Variants in INPP4B observed in about 807,000 individuals in gnomAD.
INPP4B encodes inositol polyphosphate-4-phosphatase type II B.
In INPP4B, 55 loss-of-function variants were observed where a neutral mutation model predicts 122.5. That is an observed-to-expected ratio of 0.45 (90% CI 0.36 to 0.56). The LOEUF (loss-of-function observed/expected upper bound fraction) is 0.56, where lower values mean the gene tolerates loss of function less well. Among genes scored for constraint, INPP4B ranks in the 20% least tolerant of loss-of-function variants. The probability of loss-of-function intolerance (pLI) is 0.00; values close to 1 mark genes in which losing one functional copy is unlikely to be tolerated. For missense variants in INPP4B, 1,000 were observed against 1,097.7 expected (o/e 0.91, Z 1.26); for synonymous variants, 403 against 388.7 (o/e 1.04, Z -0.43).
chr4:142,301,259 T>C (rs1761279561), intron 9 of INPP4B, among the ~76,000 whole-genome samples: 1 of 152,150 alleles, frequency 6.6e-6, no homozygotes, highest in Admixed American at 6.6e-5. Flanking sequence ...CATCATGAAT[T>C]GAAACTCCAA....
chr4:142,624,522 T>A (rs1183177131), intron 2 of INPP4B, among the ~76,000 whole-genome samples: 3 of 152,160 alleles, frequency 2.0e-5, no homozygotes, highest in Non-Finnish European at 4.4e-5. Context: ...CAGGACCAGA[T>A]GGATTCACAG....
At chr4:142,129,959 G>A (rs1056966369) in intron 18 of INPP4B, among the ~76,000 whole-genome samples, 1 of 152,134 alleles carries the variant, frequency 6.6e-6, no homozygotes, top group Non-Finnish European at 1.5e-5. Flanking sequence ...CTCCTTCAAG[G>A]AGCTAAAATT....
In INPP4B at chr4:142,843,278, A is replaced by G. The variant is rs547375608; in HGVS notation, c.-254+2931T>C. On this transcript the variant is annotated intron_variant, in intron 1 of 25. Transcript: ENST00000262992. ...TAAATGTTTAAACTAAAATTATTTA[A>G]TAATCTCATTTCTGAAGCCTAAATA... Among the ~76,000 whole-genome samples the G allele has an allele frequency of 4.4e-4, 67 of 151,984 alleles. No homozygotes were observed. The Middle Eastern group carries it at 0.017, about 39-fold the overall frequency.
intron 7 of INPP4B, among the ~76,000 whole-genome samples, chr4:142,349,814 T>C (rs1156590818): frequency 1.3e-5 from 2 of 151,818 alleles, no homozygotes; most frequent in African/African-American, 4.8e-5. Flanking sequence ...TCAGCTATAG[T>C]TTTTAAAATA....
chr4:142,234,761 C>A (rs901682782), intron 12 of INPP4B, among the ~76,000 whole-genome samples: 12 of 152,082 alleles, frequency 7.9e-5, no homozygotes, highest in African/African-American at 2.9e-4. Context: ...TTGAACAATT[C>A]CAGTTTCTAA....
At chr4:142,566,789 A>C (rs1476473838) in intron 2 of INPP4B, among the ~76,000 whole-genome samples, 1 of 152,198 alleles carries the variant, frequency 6.6e-6, no homozygotes, top group Non-Finnish European at 1.5e-5. Context: ...GTTGAAAAGA[A>C]CTGTAAACCT....
intron 2 of INPP4B, among the ~76,000 whole-genome samples, chr4:142,593,056 A>G (rs947315939): frequency 6.6e-6 from 1 of 151,900 alleles, no homozygotes; most frequent in African/African-American, 2.4e-5. Flanking sequence ...GTGAGACATT[A>G]TCACGCCACT....
intron 1 of INPP4B, among the ~76,000 whole-genome samples, chr4:142,759,201 T>A (rs1228244791): frequency 1.3e-5 from 2 of 152,156 alleles, no homozygotes; most frequent in Non-Finnish European, 2.9e-5. Context: ...AACCAATGTC[T>A]TGACAAAGCC....
intron 2 of INPP4B, among the ~76,000 whole-genome samples, chr4:142,665,922 T>A (rs558182380): frequency 6.6e-6 from 1 of 152,302 alleles, no homozygotes; most frequent in Non-Finnish European, 1.5e-5. Context: ...TACATGCTTA[T>A]GATAAGGTTT....
intron 2 of INPP4B, among the ~76,000 whole-genome samples, chr4:142,619,859 C>T (rs1205592313): frequency 1.3e-5 from 2 of 151,910 alleles, no homozygotes; most frequent in Admixed American, 6.6e-5. Context: ...AAGAGAGATA[C>T]GTTTATTTTG....
chr4:142,438,651 T>G (rs533656748), intron 3 of INPP4B, among the ~76,000 whole-genome samples: 1 of 152,216 alleles, frequency 6.6e-6, no homozygotes, highest in South Asian at 2.1e-4. Context: ...GGCAAAGATT[T>G]TATGATGAAA....
At chr4:142,616,392 G>A (rs2150356717) in intron 2 of INPP4B, among the ~76,000 whole-genome samples, 1 of 152,252 alleles carries the variant, frequency 6.6e-6, no homozygotes, top group South Asian at 2.1e-4. Context: ...TCAGAGAGAG[G>A]GAGGCAAGAC....
At chr4:142,543,884 A>C in intron 2 of INPP4B, among the ~76,000 whole-genome samples, 1 of 152,182 alleles carries the variant, frequency 6.6e-6, no homozygotes, top group Non-Finnish European at 1.5e-5. Flanking sequence ...AGAGATATCA[A>C]AGTAAGTACA....
chr4:142,112,692 G>C lies in INPP4B; in HGVS notation c.2136-10C>G. ...TACCACGTAATGTTCTCTAAAGAAG[G>C]CAGAGGACAAAGGGAAGAAACATTA... On this transcript the variant is annotated splice_polypyrimidine_tract_variant and intron_variant, in intron 21 of 25. Coordinates refer to ENST00000262992, the MANE Select transcript of INPP4B (RefSeq NM_001101669.3). The C allele has an allele frequency of 6.2e-7, 1 of 1,600,878 alleles. No individual in the cohort carries two copies.
intron 2 of INPP4B, among the ~76,000 whole-genome samples, chr4:142,693,769 T>C (rs1199539412): frequency 1.3e-5 from 2 of 152,174 alleles, no homozygotes; most frequent in African/African-American, 4.8e-5. Context: ...TCAAATGATA[T>C]ATGTTGTTTT....
intron 2 of INPP4B, among the ~76,000 whole-genome samples, chr4:142,685,414 T>TAAA (rs1759206363): frequency 6.6e-6 from 1 of 152,118 alleles, no homozygotes; most frequent in African/African-American, 2.4e-5. Context: ...AAGTATTGTA[T>TAAA]AAACAATAAA....
rs898302443 is a variant in INPP4B at position 142,383,875 on chromosome 4, G to A, written c.372+19063C>T. The A allele has an allele frequency of 2.6e-5, 13 of 499,090 alleles. No individual in the cohort carries two copies. In the Admixed American group the frequency reaches 3.2e-4, roughly 12 times the overall value. The allele number at this position is 499,090 out of a possible 1,614,324, so 30.9% of individuals were successfully genotyped here. Reference sequence around the variant, plus strand: ...TGCTTTGAATAATATCCGGGTGGCGGGAACACAGGTGTGAGCTTATTATTC... The same window carrying A: ...TGCTTTGAATAATATCCGGGTGGCGAGAACACAGGTGTGAGCTTATTATTC... On this transcript the variant is annotated intron_variant, in intron 7 of 25. Transcript: ENST00000262992.
chr4:142,028,929 A>G lies in INPP4B; in HGVS notation c.2643-15T>C. ...GGCATCCTTCTCTGGTGAAAGGGGA[A>G]AAAGTACAACTTCATGAAACACAGA... is the stretch of plus-strand genomic sequence containing the variant. On this transcript the variant is annotated splice_polypyrimidine_tract_variant and intron_variant, in intron 25 of 25. Transcript: ENST00000262992. 1 of 1,605,628 alleles carries G rather than the reference A, an allele frequency of 6.2e-7. No homozygotes were observed. Among genetic ancestry groups the G allele is most frequent in the Non-Finnish European group, 8.5e-7 (1 of 1,176,942 alleles).
intron 2 of INPP4B, among the ~76,000 whole-genome samples, chr4:142,593,831 T>C (rs974315767): frequency 4.6e-5 from 7 of 152,042 alleles, no homozygotes; most frequent in African/African-American, 4.8e-5. Context: ...TCCTACTCCA[T>C]AGTTATTTAT....
Sources: allele counts gnomAD v4.1 joint callset (sites outside exome capture counted in the v4.1 genomes callset), GRCh38; gene constraint gnomAD v4.1.1; transcripts MANE v1.5; gene names NCBI Gene and HGNC (gene_info 2026-07-23, HGNC 2026-07-21).